The following PIAS4 variants were observed in gnomAD, a reference collection of about 807,000 sequenced individuals.
PIAS4 encodes protein inhibitor of activated STAT 4, also known as E3 SUMO-protein ligase PIAS4.
In PIAS4, 7 loss-of-function variants were observed where a neutral mutation model predicts 58.0. That is an observed-to-expected ratio of 0.12 (90% CI 0.07 to 0.23). The LOEUF is 0.23. Ranked by LOEUF, PIAS4 falls within the 10% of genes least tolerant of loss-of-function variation. The probability of loss-of-function intolerance (pLI) is 1.00; values close to 1 mark genes in which losing one functional copy is unlikely to be tolerated. For missense variants in PIAS4, 550 were observed against 709.5 expected, an observed-to-expected ratio of 0.78 and a Z score of 2.55; for synonymous variants, 364 against 312.4, an observed-to-expected ratio of 1.17 and a Z score of -1.74.
chr19:4,009,911 C>T (rs921008624), intron 1 of PIAS4, among the ~76,000 whole-genome samples: 1 of 152,160 alleles, frequency 6.6e-6, no homozygotes, highest in African/African-American at 2.4e-5. Flanking sequence ...AAATAGTCCA[C>T]AGCGTTTCGC....
At chr19:4,035,294 C>T (rs895437890) in intron 9 of PIAS4, among the ~76,000 whole-genome samples, 10 of 152,110 alleles carry the variant, frequency 6.6e-5, no homozygotes, top group Non-Finnish European at 1.2e-4. Flanking sequence ...AACAGGCCAG[C>T]CTGGGCCCTG....
intron 7 of PIAS4, 44 bp downstream of exon 7, chr19:4,029,080 C>T (rs371730478): frequency 2.0e-4 from 275 of 1,405,212 alleles, no homozygotes; most frequent in Non-Finnish European, 2.6e-4. Flanking sequence ...CCAAGTCCAC[C>T]CTGGAAACCC....
chr19:4,023,388 A>C (rs1439957552), intron 2 of PIAS4, among the ~76,000 whole-genome samples: 1 of 152,130 alleles, frequency 6.6e-6, no homozygotes, highest in East Asian at 1.9e-4. Flanking sequence ...TAAACCCGGG[A>C]GACGGAGGTT....
chr19:4,025,411 A>G (rs1477267296), intron 3 of PIAS4, among the ~76,000 whole-genome samples: 1 of 152,204 alleles, frequency 6.6e-6, no homozygotes, highest in Non-Finnish European at 1.5e-5. Context: ...GGGCAGGCTA[A>G]TGGTAGGTGC....
chr19:4,038,020 C>CT lies in PIAS4; in HGVS notation c.*146dup. The CT allele has an allele frequency of 1.3e-6, 1 of 753,410 alleles. No individual in the cohort carries two copies. Among genetic ancestry groups the CT allele is most frequent in the Admixed American group, 2.9e-5 (1 of 34,486 alleles). 46.7% of individuals were successfully genotyped at this position (753,410 alleles called of 1,614,324 possible). ...CACCCTTTTGCCTGGCTCCTGGCAC[C>CT]TGTACCTCTGGACTCTCCTATCGGG... On this transcript the variant is annotated 3_prime_UTR_variant, in exon 11 of 11. Coordinates refer to ENST00000262971, the MANE Select transcript of PIAS4 (RefSeq NM_015897.4). This position sits in a 1 kb window ranked among gnomAD's most constrained non-coding sequence, Gnocchi z 4.1.
At position 4,013,127 on chromosome 19, in the gene PIAS4, C is replaced by T. The variant is rs369731508; in HGVS notation, c.232C>T (p.His78Tyr). The T allele has an allele frequency of 6.2e-6, 10 of 1,613,290 alleles. No individual in the cohort carries two copies. The highest frequency in any genetic ancestry group is 2.7e-5 in the African/African-American group (2 of 74,914). The change falls in exon 2 of 11, where the codon CAC becomes TAC. Residue 78 changes from histidine (H) to tyrosine (Y), a missense_variant. His to Tyr is a moderately conservative substitution (Grantham distance 83). This residue lies in a region of PIAS4 where 95 missense variants were observed against 87.5 expected (regional missense o/e 1.09). Transcript: ENST00000262971. The surrounding 1 kb of genome is among the most constrained non-coding windows in gnomAD (Gnocchi z 5.1). ...KKNSEPAPQP[H>Y]RPLDPLTMHS... ...GAACTCGGAGCCTGCCCCACAGCCG[C>T]ACCGGCCCCTGGACCCCCTGACCAT... is the stretch of plus-strand genomic sequence containing the variant.
intron 3 of PIAS4, among the ~76,000 whole-genome samples, chr19:4,024,892 A>C (rs187225223): frequency 2.4e-4 from 37 of 151,818 alleles, no homozygotes; most frequent in African/African-American, 8.7e-4. Context: ...CAGCCTCCCA[A>C]GTAGCTGGGA....
Position 4,037,452 on chromosome 19 carries a change from C to T in PIAS4, c.1221C>T (p.Ile407=). Residue 407 remains isoleucine, a synonymous_variant, in exon 10 of 11, where the codon ATC becomes ATT. Coordinates refer to ENST00000262971, the MANE Select transcript of PIAS4 (RefSeq NM_015897.4). This position sits in a 1 kb window ranked among gnomAD's most constrained non-coding sequence, Gnocchi z 5.8. ...EYLVDGSWCP[I]RAEKERSCSP... is the part of the protein sequence containing the mutation. ...TGGTGGACGGCTCGTGGTGCCCGAT[C>T]CGCGCCGAAAAGGAGCGCAGCTGCA... 6.2e-7 allele frequency: 1 copy of T among 1,611,768 alleles called. No homozygotes were observed.
rs2040285024 is a variant in PIAS4, at chr19:4,036,320, TTACATG to T, written c.1143-1053_1143-1048del. ...CACACATCTATACAGTCCACACCTGTTACATGCACACATCTATACAGTCCACACCGT... is the reference window on the plus strand; with the variant it reads ...CACACATCTATACAGTCCACACCTGTCACACATCTATACAGTCCACACCGT... On this transcript the variant is annotated intron_variant, in intron 9 of 10. Coordinates refer to ENST00000262971, the MANE Select transcript of PIAS4 (RefSeq NM_015897.4). Among the ~76,000 whole-genome samples, 4 of 55,254 alleles carry T rather than the reference TTACATG, an allele frequency of 7.2e-5. 1 individual carries two copies. Among genetic ancestry groups the T allele is most frequent in the Non-Finnish European group, 1.5e-4 (4 of 27,046 alleles). 36.2% of individuals were successfully genotyped at this position (55,254 alleles called of 152,430 possible).
intron 2 of PIAS4, among the ~76,000 whole-genome samples, chr19:4,020,203 A>G (rs1448901930): frequency 6.6e-6 from 1 of 152,188 alleles, no homozygotes; most frequent in Non-Finnish European, 1.5e-5. Flanking sequence ...GGCGTGAGCC[A>G]CTGCACCCGG....
intron 6 of PIAS4, 30 bp downstream of exon 6, chr19:4,028,878 C>T (rs1264248514): frequency 1.4e-5 from 23 of 1,612,702 alleles, no homozygotes; most frequent in Non-Finnish European, 1.9e-5. Flanking sequence ...CCCACCCTGC[C>T]CCCCAACCCC....
rs761242427 is a variant in PIAS4, at chr19:4,028,614, G to T, written c.672+14G>T. 7 of 1,611,408 alleles carry T rather than the reference G, an allele frequency of 4.3e-6. No homozygotes were observed. The Admixed American group carries it at 1.2e-4, about 27-fold the overall frequency. On this transcript the variant is annotated intron_variant, in intron 5 of 10. Transcript: ENST00000262971. Reference sequence around the variant, plus strand: ...TGCTCCGTCCCGGTGAGCATGCCCCGCCCCCGCGTCGGCTGCACGGGTTTG... The same window carrying T: ...TGCTCCGTCCCGGTGAGCATGCCCCTCCCCCGCGTCGGCTGCACGGGTTTG...
intron 9 of PIAS4, among the ~76,000 whole-genome samples, chr19:4,034,660 G>A (rs1277775772): frequency 6.6e-6 from 1 of 152,242 alleles, no homozygotes; most frequent in African/African-American, 2.4e-5. Flanking sequence ...TGTGCAGCCG[G>A]GTGCCCGCCT....
At chr19:4,012,842 C>T in intron 1 of PIAS4, 81 bp from the exon 2 acceptor site, 1 of 1,449,058 alleles carries the variant, frequency 6.9e-7, no homozygotes. Flanking sequence ...TTCACGGCCC[C>T]CACATCGGGG....
intron 2 of PIAS4, among the ~76,000 whole-genome samples, chr19:4,016,130 C>T (rs930524681): frequency 4.6e-5 from 7 of 152,340 alleles, no homozygotes; most frequent in African/African-American, 7.2e-5. Flanking sequence ...TCCTGCCTGT[C>T]GGCAAGGAAG....
chr19:4,036,544 A>T (rs2040289869), intron 9 of PIAS4, among the ~76,000 whole-genome samples: 1 of 142,426 alleles, frequency 7.0e-6, no homozygotes, highest in Non-Finnish European at 1.5e-5. Flanking sequence ...TTACATGCAC[A>T]CATCTATACA....
At chr19:4,028,057 G>A in intron 3 of PIAS4, 89 bp from the exon 4 acceptor site, 1 of 1,219,022 alleles carries the variant, frequency 8.2e-7, no homozygotes, top group Non-Finnish European at 1.2e-6. Flanking sequence ...CTTGTGGTGT[G>A]GCGGTCTCCA....
chr19:4,027,664 G>A (rs1033108046), intron 3 of PIAS4, among the ~76,000 whole-genome samples: 10 of 148,984 alleles, frequency 6.7e-5, no homozygotes, highest in African/African-American at 2.2e-4. Flanking sequence ...GGGTTCAGAC[G>A]ATCCCCCTGC....
At position 4,037,989 on chromosome 19, in the gene PIAS4, T is replaced by C; in HGVS notation, c.*114T>C. On this transcript the variant is annotated 3_prime_UTR_variant, in exon 11 of 11. Transcript: ENST00000262971. The surrounding 1 kb of genome is among the most constrained non-coding windows in gnomAD (Gnocchi z 5.8). ...TTTCTTTTTATTGTCGTTCGTTTTG[T>C]TTTTCCACCCTTTTGCCTGGCTCCT... 8.4e-7 allele frequency: 1 copy of C among 1,195,476 alleles called. No homozygotes were observed. The highest frequency in any genetic ancestry group is 1.2e-6 in the Non-Finnish European group (1 of 866,888). 74.1% of individuals were successfully genotyped at this position (1,195,476 alleles called of 1,614,324 possible).
Sources: allele counts gnomAD v4.1 joint callset (sites outside exome capture counted in the v4.1 genomes callset), GRCh38; gene constraint gnomAD v4.1.1; regional missense constraint gnomAD v4.1.1; non-coding constraint Gnocchi (gnomAD v3.1); transcripts MANE v1.5; gene names NCBI Gene and HGNC (gene_info 2026-07-23, HGNC 2026-07-21).